The following ZHX3 variants were observed in gnomAD, a reference collection of about 807,000 sequenced individuals.
ZHX3 encodes the protein zinc fingers and homeoboxes protein 3.
A neutral mutation model predicts 64.5 loss-of-function variants in ZHX3; 20 were observed. The ratio of observed to expected loss-of-function variants is 0.31; its 90% CI spans 0.22 to 0.45. ZHX3 has a LOEUF of 0.45. Among genes scored for constraint, ZHX3 ranks in the 20% least tolerant of loss-of-function variants. ZHX3 has a pLI of 1.00. For synonymous variants in ZHX3, 423 were observed against 461.6 expected (o/e 0.92, Z 1.07); for missense variants, 1,041 against 1,195.8 (o/e 0.87, Z 1.91).
intron 2 of ZHX3, among the ~76,000 whole-genome samples, chr20:41,218,063 C>A (rs2039663107): frequency 6.6e-6 from 1 of 152,106 alleles, no homozygotes. Flanking sequence ...ATCTCATGAG[C>A]CCAGGAGTTT....
rs528083811 is a variant in ZHX3, at chr20:41,276,938, T to C, written c.-244-7855A>G. Among the ~76,000 whole-genome samples, 141 of 152,368 alleles carry C rather than the reference T, an allele frequency of 9.3e-4. 1 individual carries two copies. The highest frequency in any genetic ancestry group is 3.1e-3 in the African/African-American group (128 of 41,592). On this transcript the variant is annotated intron_variant, in intron 1 of 3. Coordinates refer to ENST00000683867, the MANE Select transcript of ZHX3 (RefSeq NM_001384317.1). ...CTACTCAGCAAGAAAAAGGAGTATGTTTCTAACACACATCATGGATAAATC... is the reference window on the plus strand; with the variant it reads ...CTACTCAGCAAGAAAAAGGAGTATGCTTCTAACACACATCATGGATAAATC...
chr20:41,251,995 T>C (rs2042015861), intron 2 of ZHX3, among the ~76,000 whole-genome samples: 1 of 152,212 alleles, frequency 6.6e-6, no homozygotes, highest in Non-Finnish European at 1.5e-5. Flanking sequence ...AGAATGGCTT[T>C]TATAACTTAA....
At chr20:41,197,720 TTA>T (rs1283069454) in intron 3 of ZHX3, among the ~76,000 whole-genome samples, 1 of 152,078 alleles carries the variant, frequency 6.6e-6, no homozygotes, top group African/African-American at 2.4e-5. Flanking sequence ...TTAATATGTC[TTA>T]TATGTTTTTG....
Position 41,198,483 on chromosome 20 carries a change from G to GT in ZHX3, c.2860+3573dup, listed in dbSNP as rs202195899. Reference sequence around the variant, plus strand: ...CATATACAGAAATCTTGGTTTAGAGGTTTTTTTTTTTTCTTTTTTTCACGA... The same window carrying GT: ...CATATACAGAAATCTTGGTTTAGAGGTTTTTTTTTTTTTCTTTTTTTCACGA... On this transcript the variant is annotated intron_variant, in intron 3 of 3. Transcript: ENST00000683867. Among the ~76,000 whole-genome samples the GT allele has an allele frequency of 4.4e-3, 632 of 144,584 alleles. 3 individuals are homozygous for GT. The highest frequency in any genetic ancestry group is 0.016 in the South Asian group (74 of 4,526). 94.9% of individuals were successfully genotyped at this position (144,584 alleles called of 152,430 possible). A position where few individuals can be genotyped will look rare whatever the true frequency, so the allele number is the denominator to read the frequency against.
At chr20:41,211,425 A>C (rs1427617103) in intron 2 of ZHX3, among the ~76,000 whole-genome samples, 1 of 152,116 alleles carries the variant, frequency 6.6e-6, no homozygotes, top group Non-Finnish European at 1.5e-5. Flanking sequence ...ACATAAACCC[A>C]CTCTAACAAC....
chr20:41,257,832 C>A (rs2042343627), intron 2 of ZHX3, among the ~76,000 whole-genome samples: 1 of 145,626 alleles, frequency 6.9e-6, no homozygotes, highest in Non-Finnish European at 1.5e-5. Flanking sequence ...AGGCTGGTCT[C>A]GAACTCCTGA....
Position 41,219,862 on chromosome 20 carries a change from A to G in ZHX3, c.-150-14796T>C, listed in dbSNP as rs1020674236. ...AAGTATAGGCTTTGCCTCACTATTT[A>G]TTCTCTGGCCTGCAACTGGTTATGT... On this transcript the variant is annotated intron_variant, in intron 2 of 3. Transcript: ENST00000683867. This position sits in a 1 kb window ranked among gnomAD's most constrained non-coding sequence, Gnocchi z 5.0. Among the ~76,000 whole-genome samples the G allele has an allele frequency of 2.0e-4, 31 of 152,238 alleles. No individual in the cohort carries two copies. The highest frequency in any genetic ancestry group is 7.0e-4 in the African/African-American group (29 of 41,470).
At chr20:41,231,080 T>C (rs1358902772) in intron 2 of ZHX3, among the ~76,000 whole-genome samples, 2 of 152,248 alleles carry the variant, frequency 1.3e-5, no homozygotes, top group Non-Finnish European at 2.9e-5. Flanking sequence ...CTCTATAGTT[T>C]TGCCTTTTTC....
chr20:41,220,673 T>C (rs1472460264), intron 2 of ZHX3, among the ~76,000 whole-genome samples: 1 of 151,328 alleles, frequency 6.6e-6, no homozygotes, highest in Non-Finnish European at 1.5e-5. Context: ...TTTTTTTTGG[T>C]TTTTTTTGTT....
chr20:41,230,812 AACATTCCCC>A (rs1378360809), intron 2 of ZHX3, among the ~76,000 whole-genome samples: 1 of 152,126 alleles, frequency 6.6e-6, no homozygotes, highest in Non-Finnish European at 1.5e-5. Context: ...CTCCATTATC[AACATTCCCC>A]ACCAGAATGG....
In ZHX3 at chr20:41,248,685, A is replaced by G. The variant is rs150195877; in HGVS notation, c.-151+20305T>C. Among the ~76,000 whole-genome samples, 24 of 152,310 alleles carry G rather than the reference A, an allele frequency of 1.6e-4. No homozygotes were observed. The East Asian group carries it at 4.4e-3, about 28-fold the overall frequency. The stretch of plus-strand genomic sequence containing the variant: ...ACTGTATTTCTCTCTCCAAAACCTC[A>G]TTCTTTTATAAAGCTCCCTCCTCTG... On this transcript the variant is annotated intron_variant, in intron 2 of 3. Transcript: ENST00000683867.
At chr20:41,222,309 C>G (rs2039996198) in intron 2 of ZHX3, among the ~76,000 whole-genome samples, 3 of 152,166 alleles carry the variant, frequency 2.0e-5, no homozygotes, top group African/African-American at 7.2e-5. Flanking sequence ...ATCTAAGCAA[C>G]TAGAAGGATA....
intron 1 of ZHX3, among the ~76,000 whole-genome samples, chr20:41,297,419 G>A (rs2044589637): frequency 6.6e-6 from 1 of 152,218 alleles, no homozygotes; most frequent in Non-Finnish European, 1.5e-5. Flanking sequence ...GCCTCAGTCA[G>A]TGAGTCCCAG....
chr20:41,206,843 A>T (rs924294845), intron 2 of ZHX3, among the ~76,000 whole-genome samples: 2 of 152,216 alleles, frequency 1.3e-5, no homozygotes, highest in African/African-American at 4.8e-5. Flanking sequence ...AAACACATTA[A>T]TTGTCAGATT....
At chr20:41,220,423 A>G (rs1167491832) in intron 2 of ZHX3, among the ~76,000 whole-genome samples, 2 of 152,230 alleles carry the variant, frequency 1.3e-5, no homozygotes, top group Non-Finnish European at 2.9e-5. Context: ...TAGATTTCCT[A>G]TGAAGCTACT....
At chr20:41,199,553 G>C (rs1373750536) in intron 3 of ZHX3, among the ~76,000 whole-genome samples, 1 of 151,682 alleles carries the variant, frequency 6.6e-6, no homozygotes, top group African/African-American at 2.4e-5. Flanking sequence ...TTGCCAAAAG[G>C]AGGAATAAAG....
intron 1 of ZHX3, among the ~76,000 whole-genome samples, chr20:41,307,310 T>C (rs1417540283): frequency 1.3e-5 from 2 of 152,194 alleles, no homozygotes; most frequent in Non-Finnish European, 2.9e-5. Flanking sequence ...AGAAATGAGA[T>C]GGTGAGTATT....
intron 2 of ZHX3, among the ~76,000 whole-genome samples, chr20:41,255,013 G>A (rs1288783378): frequency 6.6e-6 from 1 of 152,092 alleles, no homozygotes; most frequent in East Asian, 1.9e-4. Context: ...GATGAACTGG[G>A]ACTTGAAGTC....
chr20:41,257,350 A>C lies in ZHX3; in HGVS notation c.-151+11640T>G, dbSNP rs557557218. On this transcript the variant is annotated intron_variant, in intron 2 of 3. Transcript: ENST00000683867. Reference sequence around the variant, plus strand: ...ATAGCCTCATAAAATGTTCATGAAAATCTCTCATCGTAGCTTTCCACTACT... The same window carrying C: ...ATAGCCTCATAAAATGTTCATGAAACTCTCTCATCGTAGCTTTCCACTACT... Among the ~76,000 whole-genome samples the C allele has an allele frequency of 1.5e-4, 23 of 152,254 alleles. 1 individual carries two copies. Among genetic ancestry groups the C allele is most frequent in the African/African-American group, 3.1e-4 (13 of 41,548 alleles).
Sources: allele counts gnomAD v4.1 joint callset (sites outside exome capture counted in the v4.1 genomes callset), GRCh38; gene constraint gnomAD v4.1.1; non-coding constraint Gnocchi (gnomAD v3.1); transcripts MANE v1.5; gene names NCBI Gene and HGNC (gene_info 2026-07-23, HGNC 2026-07-21).